RABGAP1L: variants seen among roughly 807,000 people sequenced by gnomAD.
RABGAP1L encodes rab GTPase-activating protein 1-like.
In RABGAP1L, 63 loss-of-function variants were observed where a neutral mutation model predicts 137.7. The ratio of observed to expected loss-of-function variants is 0.46; its 90% CI spans 0.37 to 0.56. The LOEUF (loss-of-function observed/expected upper bound fraction) is 0.56, where lower values mean the gene tolerates loss of function less well. Among genes scored for constraint, RABGAP1L ranks in the 20% least tolerant of loss-of-function variants. The probability of loss-of-function intolerance (pLI) is 0.00; values close to 1 mark genes in which losing one functional copy is unlikely to be tolerated. For synonymous variants in RABGAP1L, 431 were observed against 433.7 expected (o/e 0.99, Z 0.08); for missense variants, 1,095 against 1,244.0 (o/e 0.88, Z 1.80).
chr1:174,796,721 A>G (rs536679713), intron 18 of RABGAP1L, among the ~76,000 whole-genome samples: 2 of 152,264 alleles, frequency 1.3e-5, no homozygotes, highest in South Asian at 4.2e-4. Flanking sequence ...TTAAGATAAC[A>G]TATTTTGCTG....
At chr1:174,163,716 T>A (rs1273179117) in intron 1 of RABGAP1L, among the ~76,000 whole-genome samples, 1 of 151,768 alleles carries the variant, frequency 6.6e-6, no homozygotes, top group Non-Finnish European at 1.5e-5. Flanking sequence ...AAAATATATT[T>A]AAGAAAATTC....
At chr1:174,978,329 T>TAGAA (rs1305701910) in intron 22 of RABGAP1L, among the ~76,000 whole-genome samples, 2 of 152,162 alleles carry the variant, frequency 1.3e-5, no homozygotes, top group East Asian at 3.8e-4. Context: ...TCCCCCGTCT[T>TAGAA]TTCTAACTCT....
In RABGAP1L at chr1:174,228,175, T is replaced by G. The variant is rs371459561; in HGVS notation, c.332-2970T>G. 1.7e-4 allele frequency among the ~76,000 whole-genome samples: 26 copies of G among 152,086 alleles called. 1 individual carries two copies. Among genetic ancestry groups the G allele is most frequent in the Non-Finnish European group, 1.0e-4 (7 of 68,000 alleles). On this transcript the variant is annotated intron_variant, in intron 3 of 25. Coordinates refer to ENST00000681986, the MANE Select transcript of RABGAP1L (RefSeq NM_001366446.1). ...ATTTATAATAGTCGTATAGGCCTTC[T>G]TTGCCTATTTTATCATTTCTTATTT...
chr1:174,892,361 G>A, intron 19 of RABGAP1L: 2 of 362,900 alleles, frequency 5.5e-6, no homozygotes, highest in Non-Finnish European at 1.1e-5. Context: ...TGGAGAGTCA[G>A]AGGGAGAAAT....
At chr1:174,540,830 G>T (rs1342530912) in intron 13 of RABGAP1L, among the ~76,000 whole-genome samples, 1 of 152,190 alleles carries the variant, frequency 6.6e-6, no homozygotes, top group Non-Finnish European at 1.5e-5. Flanking sequence ...ATTCTGTGAA[G>T]AAAGTCACTG....
At chr1:174,772,511 T>C (rs1686192938) in intron 18 of RABGAP1L, among the ~76,000 whole-genome samples, 1 of 129,126 alleles carries the variant, frequency 7.7e-6, no homozygotes, top group Non-Finnish European at 1.5e-5. Flanking sequence ...GAGCTTGTGG[T>C]GAGCTGAGAT....
chr1:174,462,337 T>A (rs1258229337), intron 13 of RABGAP1L, among the ~76,000 whole-genome samples: 7 of 152,200 alleles, frequency 4.6e-5, no homozygotes, highest in Non-Finnish European at 1.0e-4. Context: ...AATCTATACA[T>A]CTGTTTTACA....
intron 11 of RABGAP1L, among the ~76,000 whole-genome samples, chr1:174,338,030 C>G (rs953110920): frequency 3.3e-5 from 5 of 152,132 alleles, no homozygotes; most frequent in African/African-American, 1.2e-4. Flanking sequence ...GGCTTAGATC[C>G]TAAGTGCTGT....
intron 19 of RABGAP1L, among the ~76,000 whole-genome samples, chr1:174,935,731 C>T (rs777236307): frequency 6.6e-6 from 1 of 152,110 alleles, no homozygotes; most frequent in Non-Finnish European, 1.5e-5. Flanking sequence ...CCTGTAATCC[C>T]AGCACTTTGG....
At chr1:174,580,452 T>TA (rs1668653753) in intron 13 of RABGAP1L, among the ~76,000 whole-genome samples, 1 of 152,116 alleles carries the variant, frequency 6.6e-6, no homozygotes, top group Non-Finnish European at 1.5e-5. Flanking sequence ...TATGCAGCCA[T>TA]AAAAAATGAT....
chr1:174,563,533 A>G (rs146371193), intron 13 of RABGAP1L, among the ~76,000 whole-genome samples: 2 of 152,234 alleles, frequency 1.3e-5, no homozygotes, highest in Non-Finnish European at 2.9e-5. Context: ...CAAGGACTAA[A>G]TAAATTAGCG....
rs1162138633 is a variant in RABGAP1L at position 174,772,596 on chromosome 1, C to T, written c.2211+20242C>T. 1.3e-4 allele frequency among the ~76,000 whole-genome samples: 17 copies of T among 131,354 alleles called. 2 individuals are homozygous for T. The highest frequency in any genetic ancestry group is 1.1e-3 in the Admixed American group (14 of 13,090). The allele number at this position is 131,354 out of a possible 152,430, so 86.2% of individuals were successfully genotyped here. A position where few individuals can be genotyped will look rare whatever the true frequency, so the allele number is the denominator to read the frequency against. ...AAAAAAAAAAAAAAAAAAAAAAGTA[C>T]AGTTTTAACCATTCCTAAGTACACA... is the stretch of plus-strand genomic sequence containing the variant. On this transcript the variant is annotated intron_variant, in intron 18 of 25. Coordinates refer to ENST00000681986, the MANE Select transcript of RABGAP1L (RefSeq NM_001366446.1).
intron 11 of RABGAP1L, among the ~76,000 whole-genome samples, chr1:174,361,082 G>A (rs555298537): frequency 7.9e-5 from 12 of 152,162 alleles, no homozygotes; most frequent in East Asian, 1.9e-4. Context: ...GCATGAACCC[G>A]GGAGGCAGAG....
At chr1:174,703,838 T>C (rs1044884852) in intron 17 of RABGAP1L, among the ~76,000 whole-genome samples, 1 of 152,244 alleles carries the variant, frequency 6.6e-6, no homozygotes, top group East Asian at 1.9e-4. Context: ...TAATTAGTAA[T>C]GTTGAACATT....
At chr1:174,965,077 A>G (rs748651325) in intron 20 of RABGAP1L, 1 of 921,684 alleles carries the variant, frequency 1.1e-6, no homozygotes, top group Non-Finnish European at 1.6e-6. Context: ...TTACTAACCA[A>G]ACTTTCCCAG....
intron 18 of RABGAP1L, among the ~76,000 whole-genome samples, chr1:174,756,370 G>A (rs961406584): frequency 1.3e-5 from 2 of 151,952 alleles, no homozygotes; most frequent in African/African-American, 2.4e-5. Context: ...GGCTGGTCTC[G>A]AACTCCTAAC....
intron 7 of RABGAP1L, among the ~76,000 whole-genome samples, chr1:174,272,201 C>T (rs940232920): frequency 6.6e-6 from 1 of 151,678 alleles, no homozygotes; most frequent in Non-Finnish European, 1.5e-5. Context: ...ATTTTACATG[C>T]AAATAAAGAT....
At chr1:174,194,564 T>C (rs1667437795) in intron 1 of RABGAP1L, among the ~76,000 whole-genome samples, 1 of 152,086 alleles carries the variant, frequency 6.6e-6, no homozygotes, top group Non-Finnish European at 1.5e-5. Flanking sequence ...CCTGGGACTG[T>C]CAGTAGGATT....
intron 1 of RABGAP1L, among the ~76,000 whole-genome samples, chr1:174,197,673 G>A (rs753764356): frequency 6.6e-5 from 10 of 151,986 alleles, no homozygotes; most frequent in Non-Finnish European, 1.2e-4. Flanking sequence ...GGTTGCGGGC[G>A]CATGTAATCT....
Sources: gnomAD v4.1 joint callset for allele counts (sites outside exome capture counted in the v4.1 genomes callset) on GRCh38, gnomAD v4.1.1 for gene constraint, MANE v1.5 for transcripts, NCBI Gene and HGNC (gene_info 2026-07-23, HGNC 2026-07-21) for gene names.